RBMS3: variants seen among roughly 807,000 people sequenced by gnomAD.
RBMS3 encodes RNA-binding motif, single-stranded-interacting protein 3.
RBMS3 carries 27 observed loss-of-function variants against 66.8 expected under a neutral mutation model. The ratio of observed to expected loss-of-function variants is 0.40; its 90% CI spans 0.30 to 0.56. RBMS3 has a LOEUF of 0.56. Among genes scored for constraint, RBMS3 ranks in the 20% least tolerant of loss-of-function variants. The probability of loss-of-function intolerance (pLI) is 0.40; values close to 1 mark genes in which losing one functional copy is unlikely to be tolerated. For synonymous variants in RBMS3, 188 were observed against 183.0 expected, an observed-to-expected ratio of 1.03 and a Z score of -0.22; for missense variants, 513 against 549.5, an observed-to-expected ratio of 0.93 and a Z score of 0.66.
intron 4 of RBMS3, among the ~76,000 whole-genome samples, chr3:29,695,774 C>T (rs980555454): frequency 1.3e-5 from 2 of 152,216 alleles, no homozygotes; most frequent in African/African-American, 2.4e-5. Flanking sequence ...CACACTCTGC[C>T]TGTACACATT....
intron 1 of RBMS3, among the ~76,000 whole-genome samples, chr3:29,389,137 T>C (rs186695769): frequency 9.2e-4 from 140 of 152,252 alleles, no homozygotes; most frequent in Middle Eastern, 6.8e-3. Context: ...AAAATAAAAG[T>C]GTATGGAAGA....
intron 6 of RBMS3, among the ~76,000 whole-genome samples, chr3:29,838,401 T>C (rs923595047): frequency 5.3e-5 from 8 of 152,072 alleles, no homozygotes; most frequent in Non-Finnish European, 1.2e-4. Context: ...CATTATTCAT[T>C]CATAACGCTT....
At chr3:29,855,421 A>G (rs1315336872) in intron 6 of RBMS3, among the ~76,000 whole-genome samples, 1 of 152,208 alleles carries the variant, frequency 6.6e-6, no homozygotes, top group African/African-American at 2.4e-5. Flanking sequence ...TCTAATCATT[A>G]TATGCCAAAA....
intron 8 of RBMS3, among the ~76,000 whole-genome samples, chr3:29,888,965 A>G (rs1384279404): frequency 6.6e-6 from 1 of 151,686 alleles, no homozygotes; most frequent in Non-Finnish European, 1.5e-5. Flanking sequence ...TCCCCCCACG[A>G]ACAATTTTCA....
intron 5 of RBMS3, among the ~76,000 whole-genome samples, chr3:29,754,013 A>G (rs937052118): frequency 6.6e-6 from 1 of 151,534 alleles, no homozygotes; most frequent in Non-Finnish European, 1.5e-5. Flanking sequence ...GCTACAGTGC[A>G]GTGGCACGAT....
intron 4 of RBMS3, among the ~76,000 whole-genome samples, chr3:29,627,364 G>C (rs1403481013): frequency 6.6e-6 from 1 of 151,330 alleles, no homozygotes; most frequent in African/African-American, 2.4e-5. Context: ...AGCACTATTG[G>C]CATTTGAGGC....
intron 5 of RBMS3, among the ~76,000 whole-genome samples, chr3:29,746,052 T>C (rs931746889): frequency 4.6e-5 from 7 of 152,208 alleles, no homozygotes; most frequent in South Asian, 2.1e-4. Flanking sequence ...ATACTTCTTG[T>C]TCTCTTCTTC....
intron 2 of RBMS3, among the ~76,000 whole-genome samples, chr3:29,475,103 G>C (rs2042898464): frequency 6.6e-6 from 1 of 152,136 alleles, no homozygotes; most frequent in South Asian, 2.1e-4. Flanking sequence ...ATATGGTAAT[G>C]AAAGGTTTAT....
chr3:29,363,537 C>G (rs1310074647), intron 1 of RBMS3, among the ~76,000 whole-genome samples: 2 of 152,110 alleles, frequency 1.3e-5, no homozygotes, highest in African/African-American at 4.8e-5. Context: ...CATTGTAATC[C>G]CAGTACTTGG....
At chr3:29,749,041 C>T (rs901127628) in intron 5 of RBMS3, among the ~76,000 whole-genome samples, 3 of 152,136 alleles carry the variant, frequency 2.0e-5, no homozygotes, top group African/African-American at 7.2e-5. Flanking sequence ...AATATTATGA[C>T]TTTAATTTTC....
chr3:29,683,634 C>T (rs1576515435), intron 4 of RBMS3, among the ~76,000 whole-genome samples: 1 of 152,064 alleles, frequency 6.6e-6, no homozygotes, highest in African/African-American at 2.4e-5. Context: ...AAGGAAGAAA[C>T]ATTTTATTTA....
chr3:29,986,818 C>A (rs1379154426), intron 12 of RBMS3, among the ~76,000 whole-genome samples: 1 of 152,098 alleles, frequency 6.6e-6, no homozygotes, highest in Non-Finnish European at 1.5e-5. Context: ...TGGCACACAC[C>A]TGTACTCTCA....
At chr3:29,518,577 G>A (rs983191468) in intron 3 of RBMS3, among the ~76,000 whole-genome samples, 7 of 152,136 alleles carry the variant, frequency 4.6e-5, no homozygotes, top group African/African-American at 7.2e-5. Flanking sequence ...ATGTTTTCAG[G>A]ATCAATTAGC....
rs1392995518 is a variant in RBMS3, at chr3:29,422,393, G to GC, written c.76-12347dup. Among the ~76,000 whole-genome samples the GC allele has an allele frequency of 1.3e-3, 64 of 47,788 alleles. No homozygotes were observed. The South Asian group carries it at 0.047, about 35-fold the overall frequency. 31.4% of individuals were successfully genotyped at this position (47,788 alleles called of 152,430 possible). ...CCTTCTCTTATGTAGAATATCACCAGCCCAAAAAAAAAAAAAAAATCTCCA... is the reference window on the plus strand; with the variant it reads ...CCTTCTCTTATGTAGAATATCACCAGCCCCAAAAAAAAAAAAAAAATCTCCA... On this transcript the variant is annotated intron_variant, in intron 1 of 14. Transcript: ENST00000383767.
At chr3:29,699,707 A>G (rs1178178034) in intron 4 of RBMS3, among the ~76,000 whole-genome samples, 1 of 152,196 alleles carries the variant, frequency 6.6e-6, no homozygotes, top group East Asian at 1.9e-4. Flanking sequence ...TGGTAATATT[A>G]TAATTAACCA....
At chr3:29,797,585 A>C (rs2057244216) in intron 6 of RBMS3, 1 of 152,222 alleles carries the variant, frequency 6.6e-6, no homozygotes, top group Non-Finnish European at 1.5e-5. Flanking sequence ...ACTGGTAAAA[A>C]GGCCTAGCTT....
At chr3:29,354,785 A>G (rs950705926) in intron 1 of RBMS3, among the ~76,000 whole-genome samples, 1 of 152,144 alleles carries the variant, frequency 6.6e-6, no homozygotes, top group African/African-American at 2.4e-5. Flanking sequence ...GATGATACTT[A>G]TTTAGGCAAT....
At chr3:29,550,212 C>T (rs913438194) in intron 3 of RBMS3, among the ~76,000 whole-genome samples, 4 of 152,154 alleles carry the variant, frequency 2.6e-5, no homozygotes, top group African/African-American at 9.7e-5. Context: ...ATTCAAGGAA[C>T]ATTTATTTCT....
intron 6 of RBMS3, among the ~76,000 whole-genome samples, chr3:29,822,015 A>G (rs2058087953): frequency 6.6e-6 from 1 of 152,214 alleles, no homozygotes; most frequent in South Asian, 2.1e-4. Flanking sequence ...TCATATGTTC[A>G]TTAATTGGGT....
Sources: allele counts gnomAD v4.1 joint callset (sites outside exome capture counted in the v4.1 genomes callset), GRCh38; gene constraint gnomAD v4.1.1; transcripts MANE v1.5; gene names NCBI Gene and HGNC (gene_info 2026-07-23, HGNC 2026-07-21).